NSD1: variants seen among roughly 807,000 people sequenced by gnomAD.
The protein encoded by NSD1 is nuclear receptor binding SET domain protein 1, also known as histone-lysine N-methyltransferase, H3 lysine-36 specific.
Under a neutral mutation model 242.7 loss-of-function variants are expected in NSD1, and 26 were observed. The ratio of observed to expected loss-of-function variants is 0.11; its 90% CI spans 0.08 to 0.15. The LOEUF (loss-of-function observed/expected upper bound fraction) is 0.15, where lower values mean the gene tolerates loss of function less well. NSD1 is among the 10% of genes least tolerant of loss of function. The pLI, the probability that NSD1 is intolerant of heterozygous loss-of-function variation, is 1.00. For missense variants in NSD1, 2,495 were observed against 3,272.8 expected, an observed-to-expected ratio of 0.76 and a Z score of 5.80; for synonymous variants, 1,106 against 1,178.1, an observed-to-expected ratio of 0.94 and a Z score of 1.25.
In NSD1 at chr5:177,295,305, C is replaced by T; in HGVS notation, c.7937C>T (p.Ala2646Val). 5 of 1,613,944 alleles carry T rather than the reference C, an allele frequency of 3.1e-6. No individual in the cohort carries two copies. Among genetic ancestry groups the T allele is most frequent in the Non-Finnish European group, 4.2e-6 (5 of 1,180,042 alleles). Reference sequence around the variant, plus strand: ...CCCATAGTGGCTGGACAGACACTGGCACAGTCTTGCTGGTCTGCTGGGAGC... The same window carrying T: ...CCCATAGTGGCTGGACAGACACTGGTACAGTCTTGCTGGTCTGCTGGGAGC... ...LWPIVAGQTLAQSCWSAGSTQ... is the reference protein window; with the variant it reads ...LWPIVAGQTLVQSCWSAGSTQ... Residue 2646 changes from alanine (A) to valine (V), a missense_variant, in exon 23 of 23, where the codon GCA becomes GTA. Transcript: ENST00000439151. The surrounding 1 kb of genome is among the most constrained non-coding windows in gnomAD (Gnocchi z 4.3).
chr5:177,172,912 A>T (rs1759828893), intron 2 of NSD1, among the ~76,000 whole-genome samples: 1 of 147,582 alleles, frequency 6.8e-6, no homozygotes. Flanking sequence ...TAGTGAGCTG[A>T]GATCCTGCCA....
chr5:177,241,411 A>G (rs1765857026), intron 8 of NSD1, among the ~76,000 whole-genome samples: 1 of 151,764 alleles, frequency 6.6e-6, no homozygotes, highest in Non-Finnish European at 1.5e-5. Context: ...AGGCTGAGAC[A>G]GGAGAATTGC....
In NSD1 at chr5:177,211,532, C is replaced by A; in HGVS notation, c.3133C>A (p.Arg1045Ser). Residue 1045 changes from arginine to serine, a missense_variant, in exon 5 of 23, where the codon CGT (arginine) becomes AGT (serine). By Grantham distance (110) the Arg-to-Ser change is moderately radical. Transcript: ENST00000439151. The stretch of plus-strand genomic sequence containing the variant: ...CCAAATGGTAAAGAACACAGTGAAC[C>A]GTAAAGCCTTAAAGACCGAGCGCAA... ...SAQMVKNTVN[R>S]KALKTERKRK... The A allele has an allele frequency of 1.2e-6, 2 of 1,614,016 alleles. No individual in the cohort carries two copies. The highest frequency in any genetic ancestry group is 1.7e-6 in the Non-Finnish European group (2 of 1,180,008).
intron 4 of NSD1, among the ~76,000 whole-genome samples, chr5:177,209,231 A>C (rs936485129): frequency 9.2e-5 from 14 of 151,748 alleles, no homozygotes; most frequent in African/African-American, 3.4e-4. Context: ...AGGTTTGTAA[A>C]AGCTTCTGAT....
chr5:177,214,896 T>C (rs1164357822), intron 5 of NSD1, among the ~76,000 whole-genome samples: 2 of 152,140 alleles, frequency 1.3e-5, no homozygotes, highest in Non-Finnish European at 2.9e-5. Flanking sequence ...AGAGACAGGG[T>C]GTCACCATGT....
intron 2 of NSD1, among the ~76,000 whole-genome samples, chr5:177,185,232 G>A (rs913295878): frequency 1.3e-5 from 2 of 152,012 alleles, no homozygotes; most frequent in African/African-American, 4.8e-5. Context: ...CTTTAGGAGG[G>A]CGATTTGGGT....
intron 2 of NSD1, among the ~76,000 whole-genome samples, chr5:177,152,054 G>A (rs1340611870): frequency 1.3e-5 from 2 of 151,750 alleles, no homozygotes; most frequent in East Asian, 2.0e-4. Context: ...TAGAGACGGG[G>A]TTTCACCATG....
rs11952926 is a variant in NSD1, at chr5:177,297,056, G to A, written c.*1597G>A. The A allele has an allele frequency of 0.021, 5,006 of 233,232 alleles. 255 individuals are homozygous for A. Among genetic ancestry groups the A allele is most frequent in the African/African-American group, 0.1 (4,690 of 45,428 alleles). The allele number at this position is 233,232 out of a possible 1,614,324, so 14.4% of individuals were successfully genotyped here. On this transcript the variant is annotated 3_prime_UTR_variant, in exon 23 of 23. Transcript: ENST00000439151. ...CATCAATTCCACGGAGGGAACAGTA[G>A]TTATTATAGAAGCATTTGCGCTTTA...
At chr5:177,174,283 G>A (rs1430635126) in intron 2 of NSD1, among the ~76,000 whole-genome samples, 1 of 152,166 alleles carries the variant, frequency 6.6e-6, no homozygotes, top group African/African-American at 2.4e-5. Context: ...AAACGCGGGA[G>A]GCGGAGGTTG....
chr5:177,187,434 C>T (rs1324096263), intron 2 of NSD1, among the ~76,000 whole-genome samples: 4 of 152,076 alleles, frequency 2.6e-5, no homozygotes, highest in Non-Finnish European at 5.9e-5. Context: ...GCCTCAGTTT[C>T]TTTATCTGCA....
chr5:177,158,735 T>C (rs776317080), intron 2 of NSD1, among the ~76,000 whole-genome samples: 387 of 146,162 alleles, frequency 2.6e-3, no homozygotes, highest in Non-Finnish European at 4.0e-3. Flanking sequence ...GGTGGTAGCA[T>C]CGCTTGAGCC....
In NSD1 at chr5:177,297,819, T is replaced by C. The variant is rs965249768; in HGVS notation, c.*2360T>C. 1.7e-5 allele frequency: 4 copies of C among 232,890 alleles called. No individual in the cohort carries two copies. Among genetic ancestry groups the C allele is most frequent in the Non-Finnish European group, 3.4e-5 (4 of 117,936 alleles). 14.4% of individuals were successfully genotyped at this position (232,890 alleles called of 1,614,324 possible). On this transcript the variant is annotated 3_prime_UTR_variant, in exon 23 of 23. Transcript: ENST00000439151. ...AGGGAGTGAGGGAAAGGGGCCATGA[T>C]TGGCTGCTTTGTGGTTTTATTTTGG...
chr5:177,240,629 T>C (rs936848597), intron 8 of NSD1, among the ~76,000 whole-genome samples: 2 of 151,802 alleles, frequency 1.3e-5, no homozygotes, highest in Non-Finnish European at 2.9e-5. Context: ...AGGAGAATGG[T>C]GTGAACCCAG....
rs1342773978 is a variant in NSD1 at position 177,134,432 on chromosome 5, C to G, written c.-18+480C>G. Among the ~76,000 whole-genome samples, 2 of 152,222 alleles carry G rather than the reference C, an allele frequency of 1.3e-5. No individual in the cohort carries two copies. The highest frequency in any genetic ancestry group is 4.8e-5 in the African/African-American group (2 of 41,468). ...TTTCGAGCTGTAGCAGCTGCTGCTACCCTGACTGGGCTTCGCTGGCCGCCT... is the reference window on the plus strand; with the variant it reads ...TTTCGAGCTGTAGCAGCTGCTGCTAGCCTGACTGGGCTTCGCTGGCCGCCT... On this transcript the variant is annotated intron_variant, in intron 1 of 22. Coordinates refer to ENST00000439151, the MANE Select transcript of NSD1 (RefSeq NM_022455.5). This position sits in a 1 kb window ranked among gnomAD's most constrained non-coding sequence, Gnocchi z 4.2.
intron 2 of NSD1, among the ~76,000 whole-genome samples, chr5:177,154,294 G>A (rs1234823161): frequency 9.9e-5 from 15 of 152,070 alleles, no homozygotes; most frequent in Admixed American, 6.6e-5. Flanking sequence ...ATAGGGAAGG[G>A]ATTACACAAA....
At chr5:177,272,032 G>A (rs916847690) in intron 16 of NSD1, among the ~76,000 whole-genome samples, 3 of 152,028 alleles carry the variant, frequency 2.0e-5, no homozygotes, top group Non-Finnish European at 4.4e-5. Context: ...GCTGAGGGAG[G>A]AAAATCGCTG....
chr5:177,164,031 T>G (rs1581175492), intron 2 of NSD1, among the ~76,000 whole-genome samples: 1 of 152,138 alleles, frequency 6.6e-6, no homozygotes, highest in African/African-American at 2.4e-5. Flanking sequence ...TGATGAGAGC[T>G]AGAAATTTGA....
At chr5:177,252,539 CTTTTTTTTT>C (rs70991600) in intron 12 of NSD1, among the ~76,000 whole-genome samples, 130 of 47,426 alleles carry the variant, frequency 2.7e-3, no homozygotes, top group African/African-American at 8.2e-3. Flanking sequence ...GTAAAGTGTT[CTTTTTTTTT>C]TTTTTTTTTT....
chr5:177,167,543 A>T (rs142959088), intron 2 of NSD1, among the ~76,000 whole-genome samples: 2,802 of 152,264 alleles, frequency 0.018, 32 homozygotes, highest in Non-Finnish European at 0.028. Context: ...CTCAAAAAAA[A>T]AAAAATATAT....
Sources: allele counts gnomAD v4.1 joint callset (sites outside exome capture counted in the v4.1 genomes callset), GRCh38; gene constraint gnomAD v4.1.1; non-coding constraint Gnocchi (gnomAD v3.1); transcripts MANE v1.5; gene names NCBI Gene and HGNC (gene_info 2026-07-23, HGNC 2026-07-21).